The following NYAP2 variants were observed in gnomAD, a reference collection of about 807,000 sequenced individuals.
NYAP2 encodes neuronal tyrosine-phosphorylated phosphoinositide-3-kinase adaptor 2, also known as neuronal tyrosine-phosphorylated phosphoinositide-3-kinase adapter 2.
A neutral mutation model predicts 50.4 loss-of-function variants in NYAP2; 23 were observed. The ratio of observed to expected loss-of-function variants is 0.46; its 90% CI spans 0.33 to 0.65. The LOEUF (loss-of-function observed/expected upper bound fraction) is 0.65. Among genes scored for constraint, NYAP2 ranks in the 30% least tolerant of loss-of-function variants. NYAP2 has a pLI of 0.02. For missense variants in NYAP2, 885 were observed against 861.0 expected (o/e 1.03, Z -0.35); for synonymous variants, 394 against 365.2 (o/e 1.08, Z -0.90).
chr2:225,656,348 T>A (rs1053237744), downstream of NYAP2, among the ~76,000 whole-genome samples: 1 of 152,196 alleles, frequency 6.6e-6, no homozygotes, highest in Non-Finnish European at 1.5e-5. Context: ...TTAATAGCTG[T>A]TATCCAGGCT....
intron 4 of NYAP2, among the ~76,000 whole-genome samples, chr2:225,516,156 AAGGGATTCC>A (rs1690930390): frequency 6.6e-6 from 1 of 152,108 alleles, no homozygotes; most frequent in Non-Finnish European, 1.5e-5. Flanking sequence ...TTAAAAATAG[AAGGGATTCC>A]CATTCATTTG....
chr2:225,412,684 C>A (rs552908858), intron 3 of NYAP2, among the ~76,000 whole-genome samples: 8 of 152,150 alleles, frequency 5.3e-5, no homozygotes, highest in Admixed American at 5.2e-4. Flanking sequence ...AAGAACAATC[C>A]CTTCTCCCTG....
rs548488224 is a variant in NYAP2, at chr2:225,571,398, G to A, written c.524-10543G>A. Among the ~76,000 whole-genome samples, 64 of 152,320 alleles carry A rather than the reference G, an allele frequency of 4.2e-4. 1 individual carries two copies. Among genetic ancestry groups the A allele is most frequent in the Middle Eastern group, 6.8e-3 (2 of 294 alleles). On this transcript the variant is annotated intron_variant, in intron 4 of 6. Transcript: ENST00000636099. Reference sequence around the variant, plus strand: ...TCTCCATGAGGACTCTGCTTCTTCAGCAAACTTCTGCCTAGACATACAAGC... The same window carrying A: ...TCTCCATGAGGACTCTGCTTCTTCAACAAACTTCTGCCTAGACATACAAGC...
chr2:225,657,601 A>G (rs1175910436), downstream of NYAP2, among the ~76,000 whole-genome samples: 6 of 152,012 alleles, frequency 3.9e-5, no homozygotes, highest in Non-Finnish European at 5.9e-5. Context: ...TAAAAAAAAA[A>G]AAAAAAAAGG....
chr2:225,634,263 G>C (rs1355436286), intron 6 of NYAP2, among the ~76,000 whole-genome samples: 2 of 152,204 alleles, frequency 1.3e-5, no homozygotes, highest in African/African-American at 4.8e-5. Context: ...AGTTTGCATA[G>C]GCTGGGCTTT....
intron 4 of NYAP2, among the ~76,000 whole-genome samples, chr2:225,524,526 C>A (rs1489732513): frequency 6.6e-6 from 1 of 152,092 alleles, no homozygotes; most frequent in Non-Finnish European, 1.5e-5. Context: ...TCCTTCAGCC[C>A]AATCGAATTG....
chr2:225,657,743 A>G (rs6750609), downstream of NYAP2, among the ~76,000 whole-genome samples: 99,172 of 152,010 alleles, frequency 0.65, 32,825 homozygotes, highest in South Asian at 0.82. Flanking sequence ...AGTCATGCAC[A>G]CTTTAGTTTA....
chr2:225,680,966 A>G, the NYAP2 span, among the ~76,000 whole-genome samples: 1 of 152,208 alleles, frequency 6.6e-6, no homozygotes, highest in Non-Finnish European at 1.5e-5. Context: ...ATAGACTACA[A>G]GTAGTCCAAT....
At chr2:225,625,287 G>A (rs1009560052) in intron 5 of NYAP2, among the ~76,000 whole-genome samples, 3 of 152,068 alleles carry the variant, frequency 2.0e-5, no homozygotes, top group African/African-American at 7.2e-5. Context: ...GTGAAGAACT[G>A]AGAAATCTGC....
chr2:225,559,840 G>GTA (rs962755159), intron 4 of NYAP2, among the ~76,000 whole-genome samples: 11 of 151,608 alleles, frequency 7.3e-5, no homozygotes, highest in Non-Finnish European at 1.3e-4. Context: ...TTCATGTGCT[G>GTA]TATATATATA....
At chr2:225,521,566 T>C (rs1212365305) in intron 4 of NYAP2, among the ~76,000 whole-genome samples, 1 of 152,188 alleles carries the variant, frequency 6.6e-6, no homozygotes, top group African/African-American at 2.4e-5. Flanking sequence ...GTTTATATGC[T>C]GGATTACACT....
chr2:225,690,035 C>G, the NYAP2 span, among the ~76,000 whole-genome samples: 1 of 152,010 alleles, frequency 6.6e-6, no homozygotes, highest in Non-Finnish European at 1.5e-5. Context: ...TAGCTTCATT[C>G]GGCCTTCATA....
At chr2:225,534,077 A>G (rs1268134098) in intron 4 of NYAP2, among the ~76,000 whole-genome samples, 1 of 152,236 alleles carries the variant, frequency 6.6e-6, no homozygotes, top group East Asian at 1.9e-4. Flanking sequence ...TTAAAAAAAA[A>G]CAACCGAATA....
intron 3 of NYAP2, among the ~76,000 whole-genome samples, chr2:225,470,493 T>C (rs1238668329): frequency 6.6e-6 from 1 of 152,204 alleles, no homozygotes; most frequent in East Asian, 1.9e-4. Context: ...TTTGAGTTTC[T>C]GTTAAGTCTT....
chr2:225,622,096 A>G (rs915679095), intron 5 of NYAP2, among the ~76,000 whole-genome samples: 2 of 152,166 alleles, frequency 1.3e-5, no homozygotes, highest in African/African-American at 4.8e-5. Flanking sequence ...CAGTGGCACA[A>G]TCTCAGCTCA....
chr2:225,543,781 T>C (rs1258468915), intron 4 of NYAP2, among the ~76,000 whole-genome samples: 1 of 152,078 alleles, frequency 6.6e-6, no homozygotes, highest in Non-Finnish European at 1.5e-5. Context: ...GGTCTATTTG[T>C]TCTATAGTTC....
intron 4 of NYAP2, among the ~76,000 whole-genome samples, chr2:225,514,560 C>T (rs1690893155): frequency 6.6e-6 from 1 of 152,144 alleles, no homozygotes; most frequent in African/African-American, 2.4e-5. Flanking sequence ...AGAAAGGCCT[C>T]CCTGGCCTCT....
intron 5 of NYAP2, among the ~76,000 whole-genome samples, chr2:225,626,040 T>C (rs1693205034): frequency 6.6e-6 from 1 of 152,186 alleles, no homozygotes. Flanking sequence ...TTGGGCATTA[T>C]CACTTAAAGA....
intron 3 of NYAP2, among the ~76,000 whole-genome samples, chr2:225,445,904 T>A (rs1036751034): frequency 6.6e-6 from 1 of 152,140 alleles, no homozygotes; most frequent in Admixed American, 6.5e-5. Flanking sequence ...TTAGTAATAA[T>A]ATTCAACCTT....
Sources: allele counts gnomAD v4.1 joint callset (sites outside exome capture counted in the v4.1 genomes callset), GRCh38; gene constraint gnomAD v4.1.1; transcripts MANE v1.5; gene names NCBI Gene and HGNC (gene_info 2026-07-23, HGNC 2026-07-21).